Variants in MGAT4C observed in about 807,000 individuals in gnomAD.
MGAT4C encodes MGAT4 family member C.
MGAT4C carries 19 observed loss-of-function variants against 40.1 expected under a neutral mutation model. The ratio of observed to expected loss-of-function variants is 0.47; its 90% confidence interval spans 0.33 to 0.70. The LOEUF (loss-of-function observed/expected upper bound fraction) is 0.70. MGAT4C is among the 30% of genes least tolerant of loss of function. The pLI, the probability that MGAT4C is intolerant of heterozygous loss-of-function variation, is 0.02. For missense variants in MGAT4C, 491 were observed against 563.2 expected (o/e 0.87, Z 1.30); for synonymous variants, 181 against 187.1 (o/e 0.97, Z 0.27).
intron 4 of MGAT4C, among the ~76,000 whole-genome samples, chr12:86,314,805 C>G (rs55644830): frequency 0.037 from 5,667 of 152,190 alleles, 297 homozygotes; most frequent in African/African-American, 0.12. Flanking sequence ...TGAAAGATCT[C>G]TACATGGAGC....
chr12:86,076,416 G>T (rs1408215883), intron 1 of MGAT4C, among the ~76,000 whole-genome samples: 1 of 152,104 alleles, frequency 6.6e-6, no homozygotes, highest in Non-Finnish European at 1.5e-5. Flanking sequence ...TCCAAGCTCT[G>T]TCTGTTACCC....
At chr12:86,732,515 AC>A (rs1251302089) in intron 1 of MGAT4C, among the ~76,000 whole-genome samples, 1 of 152,100 alleles carries the variant, frequency 6.6e-6, no homozygotes, top group Non-Finnish European at 1.5e-5. Flanking sequence ...GAAGACAGTG[AC>A]AGATCATCAG....
intron 2 of MGAT4C, among the ~76,000 whole-genome samples, chr12:86,513,316 T>C (rs1025954937): frequency 6.6e-6 from 1 of 152,060 alleles, no homozygotes; most frequent in Non-Finnish European, 1.5e-5. Context: ...CAAATTCATG[T>C]TAAATATAAG....
intron 2 of MGAT4C, chr12:86,002,337 C>T (rs1026159162): frequency 1.3e-5 from 2 of 152,170 alleles, no homozygotes; most frequent in African/African-American, 2.4e-5. Context: ...AAAATGTGGT[C>T]ACAGCCTCCA....
intron 2 of MGAT4C, among the ~76,000 whole-genome samples, chr12:86,039,760 C>T (rs1891620551): frequency 6.6e-6 from 1 of 152,092 alleles, no homozygotes; most frequent in African/African-American, 2.4e-5. Flanking sequence ...AATTTTGTTC[C>T]CTTGCTAGCA....
chr12:86,367,846 A>T (rs186601968), intron 3 of MGAT4C, among the ~76,000 whole-genome samples: 1 of 152,044 alleles, frequency 6.6e-6, no homozygotes, highest in South Asian at 2.1e-4. Flanking sequence ...ACAACAACAA[A>T]AAAAACAACT....
intron 3 of MGAT4C, among the ~76,000 whole-genome samples, chr12:86,359,107 CA>C (rs1342590807): frequency 6.6e-6 from 1 of 152,010 alleles, no homozygotes; most frequent in Admixed American, 6.5e-5. Context: ...TGTAAAAGAA[CA>C]GAAATCACAA....
intron 2 of MGAT4C, among the ~76,000 whole-genome samples, chr12:86,644,838 T>A (rs940305751): frequency 2.0e-5 from 3 of 151,708 alleles, no homozygotes; most frequent in Admixed American, 2.0e-4. Flanking sequence ...GTATAAAAAG[T>A]CACGATTTTG....
At chr12:86,674,320 G>A (rs1343559397) in intron 2 of MGAT4C, among the ~76,000 whole-genome samples, 1 of 151,786 alleles carries the variant, frequency 6.6e-6, no homozygotes, top group Non-Finnish European at 1.5e-5. Flanking sequence ...GAAATTCTTG[G>A]GTAAAGATAA....
intron 3 of MGAT4C, among the ~76,000 whole-genome samples, chr12:85,984,310 T>G (rs775706215): frequency 2.0e-5 from 3 of 152,208 alleles, no homozygotes; most frequent in Admixed American, 2.0e-4. Context: ...TCAAATAGGA[T>G]ACATTAGCAC....
intron 3 of MGAT4C, among the ~76,000 whole-genome samples, chr12:86,412,556 T>A (rs1956627705): frequency 6.6e-6 from 1 of 152,206 alleles, no homozygotes; most frequent in Non-Finnish European, 1.5e-5. Flanking sequence ...ATGGGAGTAT[T>A]TAACCAATGC....
chr12:86,242,107 G>A (rs772915571), intron 1 of MGAT4C, among the ~76,000 whole-genome samples: 3 of 152,110 alleles, frequency 2.0e-5, no homozygotes, highest in Non-Finnish European at 4.4e-5. Flanking sequence ...CATGGCTGAG[G>A]TTCTAGGAAA....
chr12:86,312,046 GA>G lies in MGAT4C; in HGVS notation c.-57+22018del, dbSNP rs75428910. On this transcript the variant is annotated intron_variant, in intron 4 of 7. Transcript: ENST00000548651. ...CAGCAATTCAAGAAAGACCACAGAA[GA>G]AAAAAAAAAGGTGGGTTTTGTTTTG... 1.9e-4 allele frequency among the ~76,000 whole-genome samples: 28 copies of G among 147,180 alleles called. 1 individual carries two copies. Among genetic ancestry groups the G allele is most frequent in the Middle Eastern group, 3.5e-3 (1 of 282 alleles).
chr12:86,528,304 T>C (rs1365915358), intron 2 of MGAT4C, among the ~76,000 whole-genome samples: 2 of 152,090 alleles, frequency 1.3e-5, no homozygotes, highest in East Asian at 3.8e-4. Context: ...ACCATTAATT[T>C]AAAACAGAGA....
chr12:86,194,031 T>C (rs1889817570), intron 1 of MGAT4C, among the ~76,000 whole-genome samples: 1 of 152,162 alleles, frequency 6.6e-6, no homozygotes, highest in African/African-American at 2.4e-5. Context: ...GCTAAACCTT[T>C]TGATCATGTC....
At chr12:86,655,676 A>G (rs569470875) in intron 2 of MGAT4C, among the ~76,000 whole-genome samples, 5 of 152,276 alleles carry the variant, frequency 3.3e-5, no homozygotes, top group African/African-American at 1.2e-4. Flanking sequence ...AAAATATTAC[A>G]TAACCTGCTT....
chr12:86,018,943 T>C (rs1251893196), intron 2 of MGAT4C, among the ~76,000 whole-genome samples: 1 of 152,092 alleles, frequency 6.6e-6, no homozygotes, highest in Non-Finnish European at 1.5e-5. Context: ...ACTCTTCCAA[T>C]ATTAAAGCTA....
chr12:86,227,388 C>G lies in MGAT4C; in HGVS notation c.-57+28851G>C, dbSNP rs1294477266. 2.6e-5 allele frequency among the ~76,000 whole-genome samples: 4 copies of G among 151,850 alleles called. No homozygotes were observed. In the East Asian group the frequency reaches 7.7e-4, roughly 29 times the overall value. ...TAAGCCACCATCATCTCTCATCTGACTTACTATTTCTCTCTGTATTGGTTT... is the reference window on the plus strand; with the variant it reads ...TAAGCCACCATCATCTCTCATCTGAGTTACTATTTCTCTCTGTATTGGTTT... On this transcript the variant is annotated intron_variant, in intron 1 of 4. Coordinates refer to ENST00000611864, the MANE Select transcript of MGAT4C (RefSeq NM_001351288.2).
At chr12:86,268,664 C>CATATATACAT (rs1555261516) in intron 4 of MGAT4C, among the ~76,000 whole-genome samples, 1 of 143,806 alleles carries the variant, frequency 7.0e-6, no homozygotes, top group Non-Finnish European at 1.5e-5. Context: ...ATATTAACTA[C>CATATATACAT]ATATATATAT....
Sources: allele counts gnomAD v4.1 joint callset (sites outside exome capture counted in the v4.1 genomes callset), GRCh38; gene constraint gnomAD v4.1.1; transcripts MANE v1.5; gene names NCBI Gene and HGNC (gene_info 2026-07-23, HGNC 2026-07-21).